TNFSF4: variants seen among roughly 807,000 people sequenced by gnomAD.
TNFSF4 encodes tumor necrosis factor ligand superfamily member 4.
In TNFSF4, 4 loss-of-function variants were observed where a neutral mutation model predicts 7.3. The observed-to-expected ratio is 0.55, with a 90% CI of 0.27 to 1.25. The LOEUF (loss-of-function observed/expected upper bound fraction) is 1.25, where lower values mean the gene tolerates loss of function less well. Among genes scored for constraint, TNFSF4 ranks in the 50% most tolerant of loss-of-function variants. The probability of loss-of-function intolerance (pLI) is 0.12; values close to 1 mark genes in which losing one functional copy is unlikely to be tolerated. For synonymous variants in TNFSF4, 76 were observed against 83.7 expected (o/e 0.91, Z 0.50); for missense variants, 181 against 208.8 (o/e 0.87, Z 0.82).
the TNFSF4 span, among the ~76,000 whole-genome samples, chr1:173,368,939 G>T: frequency 6.6e-6 from 1 of 152,096 alleles, no homozygotes; most frequent in African/African-American, 2.4e-5. Context: ...TAAATTTCAG[G>T]ACTCTGTTCC....
chr1:173,387,231 T>C, the TNFSF4 span, among the ~76,000 whole-genome samples: 1 of 152,186 alleles, frequency 6.6e-6, no homozygotes, highest in Non-Finnish European at 1.5e-5. Context: ...AAAATTCATG[T>C]TGAAACTGAA....
At chr1:173,434,443 T>G in the TNFSF4 span, among the ~76,000 whole-genome samples, 1 of 152,298 alleles carries the variant, frequency 6.6e-6, no homozygotes, top group African/African-American at 2.4e-5. Flanking sequence ...AATCAGTGGG[T>G]TAACCTTTCA....
chr1:173,238,506 C>T, the TNFSF4 span, among the ~76,000 whole-genome samples: 4 of 149,270 alleles, frequency 2.7e-5, no homozygotes, highest in South Asian at 6.3e-4. Context: ...GCAAACTCTA[C>T]ATCTGACAAA....
chr1:173,177,297 A>G, the TNFSF4 span, among the ~76,000 whole-genome samples: 8 of 152,176 alleles, frequency 5.3e-5, no homozygotes, highest in Non-Finnish European at 1.2e-4. Context: ...CTGCAGCAAC[A>G]TGGATGGAGC....
chr1:173,205,172 C>T, intron 1 of TNFSF4: 2 of 984,886 alleles, frequency 2.0e-6, no homozygotes, highest in East Asian at 2.6e-5. Context: ...TTCAAATATC[C>T]TGAGCAAAAA....
chr1:173,362,367 T>C, the TNFSF4 span: 1 of 377,490 alleles, frequency 2.6e-6, no homozygotes, highest in Non-Finnish European at 5.1e-6. Context: ...GTTGCACTCA[T>C]ACTGTACGCC....
the TNFSF4 span, among the ~76,000 whole-genome samples, chr1:173,359,049 A>T: frequency 6.6e-6 from 1 of 152,230 alleles, no homozygotes; most frequent in East Asian, 1.9e-4. Context: ...CAATTAAAGC[A>T]TTCCTCTGGT....
the TNFSF4 span, among the ~76,000 whole-genome samples, chr1:173,281,884 A>G: frequency 6.6e-6 from 1 of 152,206 alleles, no homozygotes; most frequent in African/African-American, 2.4e-5. Context: ...CACAGAGAGA[A>G]TAAGAATTTG....
the TNFSF4 span, among the ~76,000 whole-genome samples, chr1:173,287,212 G>T: frequency 2.6e-5 from 4 of 152,152 alleles, no homozygotes; most frequent in Non-Finnish European, 5.9e-5. Flanking sequence ...GTGTGTACTT[G>T]TAGTCCCAGC....
At chr1:173,230,048 T>G in the TNFSF4 span, among the ~76,000 whole-genome samples, 2 of 152,008 alleles carry the variant, frequency 1.3e-5, no homozygotes, top group Admixed American at 6.6e-5. Context: ...GACAAGGATA[T>G]CCACGAATTG....
the TNFSF4 span, among the ~76,000 whole-genome samples, chr1:173,230,274 C>T: frequency 3.3e-5 from 5 of 152,228 alleles, no homozygotes; most frequent in African/African-American, 1.2e-4. Flanking sequence ...GATTAAGAAA[C>T]TCACTCAAAA....
At chr1:173,408,744 T>A in the TNFSF4 span, among the ~76,000 whole-genome samples, 1 of 152,014 alleles carries the variant, frequency 6.6e-6, no homozygotes, top group African/African-American at 2.4e-5. Context: ...TGCGCCACCA[T>A]GCCTGGCTAA....
chr1:173,309,874 G>A, the TNFSF4 span, among the ~76,000 whole-genome samples: 6 of 151,626 alleles, frequency 4.0e-5, no homozygotes, highest in East Asian at 1.2e-3. Context: ...GAATTATTCA[G>A]GTTTTCCATT....
the TNFSF4 span, among the ~76,000 whole-genome samples, chr1:173,343,271 A>G: frequency 1.3e-5 from 2 of 152,226 alleles, no homozygotes; most frequent in Non-Finnish European, 2.9e-5. Flanking sequence ...AATTTCTGTC[A>G]GGGAAGGGAG....
At chr1:173,429,282 T>C in the TNFSF4 span, among the ~76,000 whole-genome samples, 5 of 152,306 alleles carry the variant, frequency 3.3e-5, no homozygotes, top group East Asian at 9.7e-4. Flanking sequence ...GAGAAAAGAC[T>C]GGCCCCCCTC....
At chr1:173,444,682 T>C in the TNFSF4 span, among the ~76,000 whole-genome samples, 2 of 152,166 alleles carry the variant, frequency 1.3e-5, no homozygotes, top group Non-Finnish European at 2.9e-5. Flanking sequence ...GAACTTCTGG[T>C]AAAGGATAAG....
At chr1:173,214,698 C>G in the TNFSF4 span, among the ~76,000 whole-genome samples, 15 of 152,214 alleles carry the variant, frequency 9.9e-5, no homozygotes, top group African/African-American at 3.4e-4. Flanking sequence ...ACGGGTTGAA[C>G]AAACTTAAAT....
the TNFSF4 span, among the ~76,000 whole-genome samples, chr1:173,358,954 G>C: frequency 2.6e-5 from 4 of 152,092 alleles, no homozygotes; most frequent in Non-Finnish European, 4.4e-5. Context: ...TGGCTTACAT[G>C]GTGTGTTCAA....
the TNFSF4 span, among the ~76,000 whole-genome samples, chr1:173,272,862 G>A: frequency 6.6e-6 from 1 of 152,098 alleles, no homozygotes; most frequent in South Asian, 2.1e-4. Context: ...GTGCTTCAAA[G>A]AAATGTCTCA....
Sources: allele counts gnomAD v4.1 joint callset (sites outside exome capture counted in the v4.1 genomes callset), GRCh38; gene constraint gnomAD v4.1.1; transcripts MANE v1.5; gene names NCBI Gene and HGNC (gene_info 2026-07-23, HGNC 2026-07-21).